SEMA4D: variants seen among roughly 807,000 people sequenced by gnomAD.
SEMA4D encodes semaphorin-4D.
SEMA4D carries 22 observed loss-of-function variants against 74.8 expected under a neutral mutation model. The ratio of observed to expected loss-of-function variants is 0.29; its 90% CI spans 0.21 to 0.42. The LOEUF (loss-of-function observed/expected upper bound fraction) is 0.42. SEMA4D is among the 10% of genes least tolerant of loss of function. The pLI is 1.00. For synonymous variants in SEMA4D, 445 were observed against 463.7 expected (o/e 0.96, Z 0.52); for missense variants, 937 against 1,118.4 (o/e 0.84, Z 2.31).
intron 2 of SEMA4D, among the ~76,000 whole-genome samples, chr9:89,448,780 C>A (rs971132170): frequency 2.0e-5 from 3 of 152,182 alleles, no homozygotes; most frequent in African/African-American, 7.2e-5. Context: ...TATAAATAGC[C>A]CGGCCAGATG....
chr9:89,456,184 G>A (rs1190293660), intron 1 of SEMA4D, among the ~76,000 whole-genome samples: 1 of 152,192 alleles, frequency 6.6e-6, no homozygotes, highest in African/African-American at 2.4e-5. Context: ...CTGGGAGGGA[G>A]GCATCATCTG....
intron 1 of SEMA4D, among the ~76,000 whole-genome samples, chr9:89,462,954 G>GGGGGGGGA (rs1554782350): frequency 1.1e-4 from 1 of 9,494 alleles, no homozygotes; most frequent in African/African-American, 5.6e-4. Context: ...AAGAAAGGAG[G>GGGGGGGGA]GGGGAGCGAG....
At chr9:89,469,346 GT>G (rs759893313) in intron 1 of SEMA4D, among the ~76,000 whole-genome samples, 26,093 of 152,170 alleles carry the variant, frequency 0.17, no homozygotes, top group East Asian at 0.27. Flanking sequence ...TACATGTTTG[GT>G]AGAATTTTCC....
intron 13 of SEMA4D, chr9:89,385,067 G>T: frequency 1.0e-6 from 1 of 982,780 alleles, no homozygotes; most frequent in Non-Finnish European, 1.2e-6. Flanking sequence ...CCTCCTGGGC[G>T]CGAGGCTCCC....
At chr9:89,437,370 T>C (rs1019146276) in intron 2 of SEMA4D, among the ~76,000 whole-genome samples, 1 of 152,136 alleles carries the variant, frequency 6.6e-6, no homozygotes, top group Non-Finnish European at 1.5e-5. Context: ...CCAATCTTGG[T>C]CGCCCACACT....
intron 2 of SEMA4D, among the ~76,000 whole-genome samples, chr9:89,452,581 G>A (rs1159558666): frequency 1.3e-5 from 2 of 151,878 alleles, no homozygotes; most frequent in Admixed American, 1.3e-4. Flanking sequence ...CCTCCAGAGT[G>A]GCTGGGATTA....
At chr9:89,445,977 C>T (rs1207871482) in intron 2 of SEMA4D, among the ~76,000 whole-genome samples, 1 of 152,120 alleles carries the variant, frequency 6.6e-6, no homozygotes, top group Non-Finnish European at 1.5e-5. Context: ...CCTCATGTCC[C>T]GGACCCCCTC....
At chr9:89,426,136 C>CG (rs1564737453) in intron 2 of SEMA4D, among the ~76,000 whole-genome samples, 1 of 152,194 alleles carries the variant, frequency 6.6e-6, no homozygotes, top group African/African-American at 2.4e-5. Context: ...TCCTCCAGGC[C>CG]GGGATCCTCC....
intron 5 of SEMA4D, among the ~76,000 whole-genome samples, chr9:89,398,686 C>T (rs760093969): frequency 1.8e-4 from 27 of 152,152 alleles, no homozygotes; most frequent in African/African-American, 6.5e-4. Flanking sequence ...TCTGGGGCTG[C>T]GGGGGTCACA....
Position 89,379,091 on chromosome 9 carries a change from G to A in SEMA4D, c.2202C>T (p.Arg734=). The A allele has an allele frequency of 6.2e-7, 1 of 1,614,184 alleles. No homozygotes were observed. Among genetic ancestry groups the A allele is most frequent in the Non-Finnish European group, 8.5e-7 (1 of 1,180,010 alleles). The change falls in exon 16 of 16, where the codon CGC becomes CGT. Residue 734 remains arginine (R), a synonymous_variant. Coordinates refer to ENST00000422704, the MANE Select transcript of SEMA4D (RefSeq NM_001371194.2). The stretch of plus-strand genomic sequence containing the variant: ...AGAAGAGGAAGAGGGACATGAGGAG[G>A]CGGTTGTCGCTGGACTTAAGATACA... The part of the protein sequence containing the change: ...KTMYLKSSDN[R]LLMSLFLFFF...
At chr9:89,418,284 A>G (rs1846137381) in intron 2 of SEMA4D, 5 of 781,522 alleles carry the variant, frequency 6.4e-6, no homozygotes, top group Non-Finnish European at 7.8e-6. Flanking sequence ...TGGGGAAGAC[A>G]GCACTGGGGC....
intron 1 of SEMA4D, among the ~76,000 whole-genome samples, chr9:89,487,932 C>G (rs1282879448): frequency 1.3e-5 from 2 of 152,174 alleles, no homozygotes; most frequent in Non-Finnish European, 2.9e-5. Context: ...CCAAATTGAT[C>G]TAAGGAGTTA....
In SEMA4D at chr9:89,388,990, G is replaced by T. The variant is rs777697822; in HGVS notation, c.832C>A (p.Arg278=). The change falls in exon 10 of 16, where the codon CGA becomes AGA. Residue 278 remains arginine, a synonymous_variant. Transcript: ENST00000422704. ...QKKWTSFLKA[R]LICSRPDSGL... is the part of the protein sequence containing the mutation. Reference sequence around the variant, plus strand: ...CTGTCTGGCCGGGAGCAGATGAGTCGGGCTTTCAGGAAGGAGGTCCATTTC... The same window carrying T: ...CTGTCTGGCCGGGAGCAGATGAGTCTGGCTTTCAGGAAGGAGGTCCATTTC... 1.6e-5 allele frequency: 26 copies of T among 1,613,906 alleles called. No individual in the cohort carries two copies. The South Asian group carries it at 2.7e-4, about 17-fold the overall frequency.
chr9:89,435,788 C>G (rs1403257870), intron 2 of SEMA4D, among the ~76,000 whole-genome samples: 1 of 152,250 alleles, frequency 6.6e-6, no homozygotes, highest in Admixed American at 6.5e-5. Flanking sequence ...CCCAGGGCCA[C>G]GCCCACAGGT....
Position 89,385,069 on chromosome 9 carries a change from G to A in SEMA4D, c.1446+1298C>T, listed in dbSNP as rs547240727. Reference sequence around the variant, plus strand: ...CCCACTGGCTCCTCCTCCTGGGCGCGAGGCTCCCTGTGTGGCCAGCTGCCC... The same window carrying A: ...CCCACTGGCTCCTCCTCCTGGGCGCAAGGCTCCCTGTGTGGCCAGCTGCCC... On this transcript the variant is annotated intron_variant, in intron 13 of 15. Coordinates refer to ENST00000422704, the MANE Select transcript of SEMA4D (RefSeq NM_001371194.2). 1.6e-5 allele frequency: 16 copies of A among 982,534 alleles called. No individual in the cohort carries two copies. In the Admixed American group the frequency reaches 2.5e-4, roughly 15 times the overall value. The allele number at this position is 982,534 out of a possible 1,614,324, so 60.9% of individuals were successfully genotyped here.
chr9:89,443,184 T>C (rs1852042122), intron 2 of SEMA4D, among the ~76,000 whole-genome samples: 1 of 152,210 alleles, frequency 6.6e-6, no homozygotes, highest in African/African-American at 2.4e-5. Context: ...GAGACTTCCC[T>C]GTCAGTGGCG....
downstream of SEMA4D, among the ~76,000 whole-genome samples, chr9:89,375,313 G>A (rs1019899879): frequency 2.0e-5 from 3 of 152,224 alleles, no homozygotes; most frequent in African/African-American, 7.2e-5. Context: ...TCAGCTGTGA[G>A]AGCGGCCACA....
intron 16 of SEMA4D, among the ~76,000 whole-genome samples, chr9:89,371,503 AGT>A (rs1316762511): frequency 1.0e-4 from 2 of 19,940 alleles, no homozygotes; most frequent in African/African-American, 5.4e-4. Context: ...TCTGGGGTGT[AGT>A]GTGTGTGTGT....
At chr9:89,388,046 T>C (rs753074631) in intron 11 of SEMA4D, among the ~76,000 whole-genome samples, 1 of 152,228 alleles carries the variant, frequency 6.6e-6, no homozygotes, top group Non-Finnish European at 1.5e-5. Flanking sequence ...CCAAAATCTG[T>C]GACCATGAGT....
Sources: allele counts gnomAD v4.1 joint callset (sites outside exome capture counted in the v4.1 genomes callset), GRCh38; gene constraint gnomAD v4.1.1; transcripts MANE v1.5; gene names NCBI Gene and HGNC (gene_info 2026-07-23, HGNC 2026-07-21).